The following HPSE2 variants were observed in gnomAD, a reference collection of about 807,000 sequenced individuals.
The protein encoded by HPSE2 is inactive heparanase-2.
A neutral mutation model predicts 60.5 loss-of-function variants in HPSE2; 38 were observed. That is an observed-to-expected ratio of 0.63 (90% CI 0.48 to 0.82). HPSE2 has a LOEUF of 0.82. Ranked by LOEUF, HPSE2 falls within the 40% of genes least tolerant of loss-of-function variation. HPSE2 has a pLI of 0.00. For missense variants in HPSE2, 713 were observed against 740.4 expected (o/e 0.96, Z 0.43); for synonymous variants, 295 against 293.2 (o/e 1.01, Z -0.06).
At chr10:99,021,837 A>AC (rs1443709870) in intron 3 of HPSE2, among the ~76,000 whole-genome samples, 5 of 135,120 alleles carry the variant, frequency 3.7e-5, no homozygotes, top group African/African-American at 1.3e-4. Context: ...AAAAAAAAAA[A>AC]CCCCAACACC....
At chr10:98,999,600 T>A (rs969971452) in intron 3 of HPSE2, among the ~76,000 whole-genome samples, 9 of 152,126 alleles carry the variant, frequency 5.9e-5, no homozygotes, top group Non-Finnish European at 8.8e-5. Flanking sequence ...GGAAGTGAGA[T>A]GTGAGCTGGG....
chr10:99,138,738 T>C (rs2135761041), intron 3 of HPSE2, among the ~76,000 whole-genome samples: 1 of 152,122 alleles, frequency 6.6e-6, no homozygotes, highest in East Asian at 1.9e-4. Flanking sequence ...ACCAGGGCCT[T>C]TTGGGCGATG....
intron 3 of HPSE2, among the ~76,000 whole-genome samples, chr10:98,752,597 A>G (rs1387438052): frequency 1.3e-5 from 2 of 152,314 alleles, no homozygotes; most frequent in Non-Finnish European, 2.9e-5. Context: ...TAAAGTAAAA[A>G]TAAACGTGTT....
chr10:99,258,731 A>G, the HPSE2 span, among the ~76,000 whole-genome samples: 3 of 152,242 alleles, frequency 2.0e-5, no homozygotes, highest in African/African-American at 7.2e-5. Flanking sequence ...TACATGGACA[A>G]TTGATTTTTG....
chr10:98,688,467 TTTTTTTTTTC>T lies in HPSE2; in HGVS notation c.1004+5423_1004+5432del, dbSNP rs1427245945. ...CTGAAGAATTTCCTTTAGCATTTCT[TTTTTTTTTTC>T]TTTTTTTTTTTTTTTTGAGGCAGAA... On this transcript the variant is annotated intron_variant, in intron 6 of 11. Transcript: ENST00000370552. Among the ~76,000 whole-genome samples, 41 of 129,726 alleles carry T rather than the reference TTTTTTTTTTC, an allele frequency of 3.2e-4. 3 individuals carry two copies. The highest frequency in any genetic ancestry group is 5.0e-4 in the Non-Finnish European group (31 of 61,596). 85.1% of individuals were successfully genotyped at this position (129,726 alleles called of 152,430 possible).
chr10:98,523,056 A>T (rs150628230), intron 9 of HPSE2, among the ~76,000 whole-genome samples: 322 of 152,312 alleles, frequency 2.1e-3, no homozygotes, highest in Middle Eastern at 6.8e-3. Context: ...AGGGACAACA[A>T]GCAGTTCTCT....
intron 3 of HPSE2, among the ~76,000 whole-genome samples, chr10:98,969,606 T>G (rs1285395869): frequency 2.6e-5 from 4 of 152,196 alleles, no homozygotes; most frequent in Non-Finnish European, 5.9e-5. Context: ...CATGATGTAG[T>G]TTCTTCAAAG....
At chr10:99,074,527 G>C (rs1842899372) in intron 3 of HPSE2, among the ~76,000 whole-genome samples, 1 of 152,054 alleles carries the variant, frequency 6.6e-6, no homozygotes, top group African/African-American at 2.4e-5. Context: ...TTTTCTTGTA[G>C]TGTCTTTGTA....
intron 3 of HPSE2, among the ~76,000 whole-genome samples, chr10:99,092,806 T>C (rs1157223474): frequency 6.6e-6 from 1 of 152,180 alleles, no homozygotes; most frequent in Non-Finnish European, 1.5e-5. Context: ...TAGGACATAG[T>C]AGACATCAAA....
At chr10:98,602,840 C>T (rs11189712) in intron 9 of HPSE2, among the ~76,000 whole-genome samples, 2 of 151,944 alleles carry the variant, frequency 1.3e-5, no homozygotes, top group Non-Finnish European at 2.9e-5. Flanking sequence ...AGGAGAGCTA[C>T]AACTATACAA....
At chr10:99,007,200 G>C (rs1052724196) in intron 3 of HPSE2, among the ~76,000 whole-genome samples, 6 of 151,722 alleles carry the variant, frequency 4.0e-5, no homozygotes, top group South Asian at 2.1e-4. Flanking sequence ...TTCAGGATCT[G>C]GTCTGACACC....
intron 3 of HPSE2, among the ~76,000 whole-genome samples, chr10:98,848,138 C>G (rs941920270): frequency 1.3e-5 from 2 of 152,132 alleles, no homozygotes; most frequent in African/African-American, 4.8e-5. Flanking sequence ...TAAGGAAGAG[C>G]CAGGTGTGGT....
intron 9 of HPSE2, among the ~76,000 whole-genome samples, chr10:98,548,955 C>T (rs1186371541): frequency 6.6e-6 from 1 of 152,180 alleles, no homozygotes; most frequent in Non-Finnish European, 1.5e-5. Flanking sequence ...CCTGTTCCCA[C>T]AGAGCCCCAC....
intron 9 of HPSE2, among the ~76,000 whole-genome samples, chr10:98,596,344 A>C (rs372825293): frequency 7.7e-6 from 1 of 130,652 alleles, no homozygotes; most frequent in East Asian, 2.3e-4. Context: ...GTAGTTTTTT[A>C]ATCTTCATTT....
chr10:99,046,849 C>T (rs1212307142), intron 3 of HPSE2, among the ~76,000 whole-genome samples: 1 of 152,048 alleles, frequency 6.6e-6, no homozygotes, highest in African/African-American at 2.4e-5. Context: ...ATTCCATGCT[C>T]TGGATGGAAA....
chr10:98,800,012 TAAAC>T (rs1372426179), intron 3 of HPSE2, among the ~76,000 whole-genome samples: 1 of 151,538 alleles, frequency 6.6e-6, no homozygotes, highest in Admixed American at 6.6e-5. Context: ...TTTGAAAAGA[TAAAC>T]AAAATTGACA....
intron 2 of HPSE2, among the ~76,000 whole-genome samples, chr10:99,192,410 A>C (rs1284390536): frequency 6.6e-6 from 1 of 152,190 alleles, no homozygotes; most frequent in Non-Finnish European, 1.5e-5. Flanking sequence ...TGGACTTCTC[A>C]GTGGAAATCG....
At chr10:98,602,096 T>C (rs1406580303) in intron 9 of HPSE2, among the ~76,000 whole-genome samples, 1 of 152,104 alleles carries the variant, frequency 6.6e-6, no homozygotes, top group Non-Finnish European at 1.5e-5. Context: ...ACCAAAGTAG[T>C]GAGTGATGCT....
intron 2 of HPSE2, among the ~76,000 whole-genome samples, chr10:99,179,624 G>T (rs1331949955): frequency 6.6e-6 from 1 of 151,952 alleles, no homozygotes; most frequent in Non-Finnish European, 1.5e-5. Context: ...CAAACAAATG[G>T]AAAAACATTC....
Sources: gnomAD v4.1 joint callset for allele counts (sites outside exome capture counted in the v4.1 genomes callset) on GRCh38, gnomAD v4.1.1 for gene constraint, MANE v1.5 for transcripts, NCBI Gene and HGNC (gene_info 2026-07-23, HGNC 2026-07-21) for gene names.